PDE4D: variants seen among roughly 807,000 people sequenced by gnomAD.
PDE4D encodes phosphodiesterase 4D, also known as 3',5'-cyclic-AMP phosphodiesterase 4D.
In PDE4D, 24 loss-of-function variants were observed where a neutral mutation model predicts 87.4. The observed-to-expected ratio is 0.27, with a 90% CI of 0.20 to 0.39. The LOEUF is 0.39. Among genes scored for constraint, PDE4D ranks in the 10% least tolerant of loss-of-function variants. The pLI is 1.00. For synonymous variants in PDE4D, 384 were observed against 383.2 expected (o/e 1.00, Z -0.02); for missense variants, 714 against 1,041.0 (o/e 0.69, Z 4.32).
chr5:59,201,291 G>A (rs1308538454), intron 2 of PDE4D, among the ~76,000 whole-genome samples: 2 of 152,070 alleles, frequency 1.3e-5, no homozygotes, highest in East Asian at 3.8e-4. Flanking sequence ...GGAATGTTAA[G>A]TATTTTATAT....
At chr5:60,264,227 TCTC>T (rs932513314) in intron 1 of PDE4D, among the ~76,000 whole-genome samples, 1 of 152,094 alleles carries the variant, frequency 6.6e-6, no homozygotes, top group Non-Finnish European at 1.5e-5. Context: ...ATGCTCACAT[TCTC>T]CTCAAGCTCA....
intron 1 of PDE4D, among the ~76,000 whole-genome samples, chr5:60,234,773 G>C (rs968366473): frequency 6.6e-6 from 1 of 151,790 alleles, no homozygotes; most frequent in African/African-American, 2.4e-5. Context: ...ATTTTTGGTA[G>C]TTTCTATCTT....
At chr5:60,492,807 G>T (rs1305901445), upstream of PDE4D, among the ~76,000 whole-genome samples, 2 of 151,570 alleles carry the variant, frequency 1.3e-5, no homozygotes, top group Non-Finnish European at 1.5e-5. Flanking sequence ...CGAGTTGATG[G>T]GTGCAGCAAA....
intron 1 of PDE4D, among the ~76,000 whole-genome samples, chr5:59,814,857 G>C (rs1768798570): frequency 6.6e-6 from 1 of 152,110 alleles, no homozygotes; most frequent in African/African-American, 2.4e-5. Flanking sequence ...GGTTATGATG[G>C]AAGATTTTGT....
rs116774658 is a variant in PDE4D at position 59,146,502 on chromosome 5, A to T, written c.808+34093T>A. Among the ~76,000 whole-genome samples, 708 of 152,306 alleles carry T rather than the reference A, an allele frequency of 4.6e-3. 10 individuals carry two copies. Among genetic ancestry groups the T allele is most frequent in the African/African-American group, 0.016 (657 of 41,580 alleles). Reference sequence around the variant, plus strand: ...ATGGAAGTGCCACATTCTCAAAGCCACTGAAGAGAGCCAGTTGAAAGTTAG... The same window carrying T: ...ATGGAAGTGCCACATTCTCAAAGCCTCTGAAGAGAGCCAGTTGAAAGTTAG... On this transcript the variant is annotated intron_variant, in intron 5 of 14. Coordinates refer to ENST00000340635, the MANE Select transcript of PDE4D (RefSeq NM_001104631.2).
intron 1 of PDE4D, among the ~76,000 whole-genome samples, chr5:60,330,393 C>T (rs920446950): frequency 5.3e-5 from 8 of 152,120 alleles, no homozygotes; most frequent in Non-Finnish European, 1.2e-4. Context: ...AATGGGAGCA[C>T]ATGGGGAAAA....
intron 3 of PDE4D, among the ~76,000 whole-genome samples, chr5:59,914,827 G>C (rs1050435324): frequency 2.8e-5 from 4 of 143,586 alleles, no homozygotes; most frequent in Admixed American, 2.1e-4. Context: ...TAGGAGAAGG[G>C]GAAGTATAGT....
chr5:60,352,052 G>A (rs1001895115), intron 1 of PDE4D, among the ~76,000 whole-genome samples: 1 of 149,970 alleles, frequency 6.7e-6, no homozygotes, highest in African/African-American at 2.5e-5. Flanking sequence ...TCAACCCTCC[G>A]CTTTGGCCTT....
At chr5:59,650,470 C>T (rs1053354868) in intron 1 of PDE4D, among the ~76,000 whole-genome samples, 2 of 152,238 alleles carry the variant, frequency 1.3e-5, no homozygotes, top group South Asian at 4.2e-4. Context: ...CAAGGGCTAA[C>T]TCTGCACTCT....
At chr5:60,025,304 C>A (rs1168011427) in intron 2 of PDE4D, among the ~76,000 whole-genome samples, 1 of 152,078 alleles carries the variant, frequency 6.6e-6, no homozygotes. Flanking sequence ...GTTAAGCAAA[C>A]CTTTGGAAGC....
chr5:59,668,852 GAAGAA>G lies in PDE4D; in HGVS notation c.455+224311_455+224315del, dbSNP rs1561441329. 3.1e-3 allele frequency among the ~76,000 whole-genome samples: 160 copies of G among 51,682 alleles called. 4 individuals are homozygous for G. The highest frequency in any genetic ancestry group is 8.8e-3 in the African/African-American group (87 of 9,866). 33.9% of individuals were successfully genotyped at this position (51,682 alleles called of 152,430 possible). On this transcript the variant is annotated intron_variant, in intron 1 of 14. Transcript: ENST00000340635. Reference sequence around the variant, plus strand: ...AGAAGAGGAAGAGGAAGAGGAAGAAGAAGAAGAAGAAGAAGAAGAAGAAGAAGAAG... The same window carrying G: ...AGAAGAGGAAGAGGAAGAGGAAGAAGGAAGAAGAAGAAGAAGAAGAAGAAG...
intron 6 of PDE4D, among the ~76,000 whole-genome samples, chr5:59,021,466 T>C (rs555023675): frequency 2.6e-5 from 4 of 152,300 alleles, no homozygotes; most frequent in Non-Finnish European, 4.4e-5. Flanking sequence ...GGGTTACTTA[T>C]ATGGCAGCAT....
At chr5:59,580,662 G>T (rs1044837435) in intron 1 of PDE4D, among the ~76,000 whole-genome samples, 1 of 151,910 alleles carries the variant, frequency 6.6e-6, no homozygotes, top group African/African-American at 2.4e-5. Context: ...GAGAGACAGG[G>T]TCTCACTATG....
chr5:59,978,807 A>G (rs1442137769), intron 3 of PDE4D, among the ~76,000 whole-genome samples: 1 of 152,142 alleles, frequency 6.6e-6, no homozygotes, highest in Non-Finnish European at 1.5e-5. Flanking sequence ...AGCCACCCCA[A>G]TCTTCAGCAA....
At chr5:60,355,404 G>T (rs1759536625) in intron 1 of PDE4D, among the ~76,000 whole-genome samples, 1 of 152,128 alleles carries the variant, frequency 6.6e-6, no homozygotes, top group African/African-American at 2.4e-5. Flanking sequence ...ACAGTCTCCT[G>T]GCAGAGGGCC....
At chr5:59,815,801 A>G (rs1768909700) in intron 1 of PDE4D, among the ~76,000 whole-genome samples, 1 of 152,366 alleles carries the variant, frequency 6.6e-6, no homozygotes, top group Non-Finnish European at 1.5e-5. Flanking sequence ...TTGGTTTTAC[A>G]ACTAGAAATT....
intron 1 of PDE4D, among the ~76,000 whole-genome samples, chr5:60,202,849 T>C (rs1404483329): frequency 6.6e-6 from 1 of 152,192 alleles, no homozygotes. Flanking sequence ...TTTCTAGATA[T>C]TTGATGTATT....
At chr5:59,202,672 T>C (rs571623834) in intron 2 of PDE4D, among the ~76,000 whole-genome samples, 32 of 152,224 alleles carry the variant, frequency 2.1e-4, no homozygotes, top group African/African-American at 7.7e-4. Flanking sequence ...GTTCTCATAG[T>C]AGTGAATGAG....
At chr5:60,014,591 C>G (rs1275249445) in intron 2 of PDE4D, among the ~76,000 whole-genome samples, 2 of 152,106 alleles carry the variant, frequency 1.3e-5, no homozygotes, top group African/African-American at 4.8e-5. Flanking sequence ...CTCTTAAAAA[C>G]GTTACTGCAC....
Sources: allele counts gnomAD v4.1 joint callset (sites outside exome capture counted in the v4.1 genomes callset), GRCh38; gene constraint gnomAD v4.1.1; transcripts MANE v1.5; gene names NCBI Gene and HGNC (gene_info 2026-07-23, HGNC 2026-07-21).